EPHA7: variants seen among roughly 807,000 people sequenced by gnomAD.
EPHA7 encodes ephrin type-A receptor 7.
A neutral mutation model predicts 112.6 loss-of-function variants in EPHA7; 25 were observed. That is an observed-to-expected ratio of 0.22 (90% CI 0.16 to 0.31). EPHA7 has a LOEUF of 0.31. EPHA7 is among the 10% of genes least tolerant of loss of function. The pLI, the probability that EPHA7 is intolerant of heterozygous loss-of-function variation, is 1.00. For synonymous variants in EPHA7, 437 were observed against 406.5 expected, an observed-to-expected ratio of 1.07 and a Z score of -0.90; for missense variants, 962 against 1,212.6, an observed-to-expected ratio of 0.79 and a Z score of 3.07.
intron 3 of EPHA7, among the ~76,000 whole-genome samples, chr6:93,386,467 G>C (rs1419252455): frequency 6.6e-6 from 1 of 152,086 alleles, no homozygotes; most frequent in Non-Finnish European, 1.5e-5. Flanking sequence ...ATGTAAGAGG[G>C]GGGCTCCCCA....
chr6:93,335,482 G>C (rs1774820608), intron 5 of EPHA7, among the ~76,000 whole-genome samples: 1 of 151,884 alleles, frequency 6.6e-6, no homozygotes, highest in Admixed American at 6.6e-5. Context: ...GTATCATTAA[G>C]GACATAAGGA....
At chr6:93,303,054 C>T (rs1562082259) in intron 5 of EPHA7, among the ~76,000 whole-genome samples, 1 of 152,016 alleles carries the variant, frequency 6.6e-6, no homozygotes, top group East Asian at 1.9e-4. Context: ...ATCACAAGGC[C>T]ATGTACTGTG....
chr6:93,268,461 A>C (rs1771053742), intron 7 of EPHA7, among the ~76,000 whole-genome samples: 1 of 151,836 alleles, frequency 6.6e-6, no homozygotes, highest in Admixed American at 6.6e-5. Flanking sequence ...ATATTAATTT[A>C]ATTTGTTTAA....
intron 4 of EPHA7, 57 bp downstream of exon 4, chr6:93,358,199 A>G: frequency 7.5e-7 from 1 of 1,332,880 alleles, no homozygotes; most frequent in Non-Finnish European, 9.9e-7. Context: ...TGATGTCACA[A>G]CAGTACAAAT....
At chr6:93,293,960 C>A (rs990095706) in intron 5 of EPHA7, among the ~76,000 whole-genome samples, 10 of 152,140 alleles carry the variant, frequency 6.6e-5, no homozygotes, top group Non-Finnish European at 1.5e-4. Flanking sequence ...TCATTTTTCC[C>A]AGGTGGGCTA....
intron 14 of EPHA7, among the ~76,000 whole-genome samples, chr6:93,247,772 A>T (rs1413761293): frequency 6.6e-6 from 1 of 152,174 alleles, no homozygotes; most frequent in Non-Finnish European, 1.5e-5. Context: ...ATAGCATACC[A>T]CTGCCTAATA....
At chr6:93,400,218 T>C (rs1195767670) in intron 3 of EPHA7, among the ~76,000 whole-genome samples, 1 of 152,084 alleles carries the variant, frequency 6.6e-6, no homozygotes, top group Non-Finnish European at 1.5e-5. Flanking sequence ...ATTTAACCTA[T>C]ATATTAGGTT....
rs1289912052 is a variant in EPHA7, at chr6:93,240,088, T to C, written c.*3338A>G. The C allele has an allele frequency of 4.5e-6, 1 of 223,438 alleles. No individual in the cohort carries two copies. The highest frequency in any genetic ancestry group is 8.9e-6 in the Non-Finnish European group (1 of 111,920). The allele number at this position is 223,438 out of a possible 1,614,324, so 13.8% of individuals were successfully genotyped here. The stretch of plus-strand genomic sequence containing the variant: ...GGTAAAAAGAGACTTATGATTCATG[T>C]TGAAGAAAGAGTTATTTGTGCTTGA... On this transcript the variant is annotated 3_prime_UTR_variant, in exon 17 of 17. Coordinates refer to ENST00000369303, the MANE Select transcript of EPHA7 (RefSeq NM_004440.4).
chr6:93,374,919 A>G (rs1271111700), intron 3 of EPHA7, among the ~76,000 whole-genome samples: 1 of 152,226 alleles, frequency 6.6e-6, no homozygotes, highest in African/African-American at 2.4e-5. Context: ...AGTGAAGAAT[A>G]TCATTTCAAA....
chr6:93,302,416 A>G (rs553268494), intron 5 of EPHA7, among the ~76,000 whole-genome samples: 1 of 152,084 alleles, frequency 6.6e-6, no homozygotes, highest in African/African-American at 2.4e-5. Flanking sequence ...GTCCCCTCCC[A>G]TGGCATAGCC....
At chr6:93,274,829 A>G (rs1032670562) in intron 5 of EPHA7, among the ~76,000 whole-genome samples, 2 of 151,924 alleles carry the variant, frequency 1.3e-5, no homozygotes, top group Non-Finnish European at 2.9e-5. Context: ...TATCTTAGGT[A>G]TAAAGGATAC....
chr6:93,319,182 G>C (rs1234519793), intron 5 of EPHA7, among the ~76,000 whole-genome samples: 3 of 152,082 alleles, frequency 2.0e-5, no homozygotes, highest in African/African-American at 7.2e-5. Context: ...ACTTTATGGT[G>C]TGGAAGTTGC....
chr6:93,305,187 A>G (rs1009799359), intron 5 of EPHA7, among the ~76,000 whole-genome samples: 2 of 151,890 alleles, frequency 1.3e-5, no homozygotes, highest in African/African-American at 4.8e-5. Context: ...TGCACAACTG[A>G]AAGTGTTCAT....
At chr6:93,367,245 T>C (rs1487896134) in intron 3 of EPHA7, among the ~76,000 whole-genome samples, 1 of 152,142 alleles carries the variant, frequency 6.6e-6, no homozygotes, top group Non-Finnish European at 1.5e-5. Flanking sequence ...CCACAATTAG[T>C]GTTTGGAAGA....
chr6:93,390,694 T>A (rs754563329), intron 3 of EPHA7, among the ~76,000 whole-genome samples: 1 of 151,940 alleles, frequency 6.6e-6, no homozygotes, highest in Non-Finnish European at 1.5e-5. Flanking sequence ...TCTATTTTCC[T>A]GTTACTTTGG....
rs146477451 is a variant in EPHA7, at chr6:93,285,773, C to G, written c.1325-13351G>C. Among the ~76,000 whole-genome samples, 27 of 152,230 alleles carry G rather than the reference C, an allele frequency of 1.8e-4. No homozygotes were observed. The East Asian group carries it at 3.9e-3, about 22-fold the overall frequency. On this transcript the variant is annotated intron_variant, in intron 5 of 16. Transcript: ENST00000369303. ...GGCTTTATTCCTAAATAATCTCCAGCCAGCAAGAAATAACGAACTCAAAAA... is the reference window on the plus strand; with the variant it reads ...GGCTTTATTCCTAAATAATCTCCAGGCAGCAAGAAATAACGAACTCAAAAA...
Position 93,253,207 on chromosome 6 carries a change from A to T in EPHA7, c.2532+1440T>A, listed in dbSNP as rs1185680961. Among the ~76,000 whole-genome samples the T allele has an allele frequency of 2.0e-5, 3 of 152,162 alleles. No individual in the cohort carries two copies. In the East Asian group the frequency reaches 5.8e-4, roughly 29 times the overall value. ...ATTTTGACAGTCCATGAAATCTTTG[A>T]CACTGAGACCTGTCAAATATTAACA... On this transcript the variant is annotated intron_variant, in intron 14 of 16. Transcript: ENST00000369303.
rs1160348060 is a variant in EPHA7 at position 93,407,401 on chromosome 6, A to T, written c.832+3100T>A. Among the ~76,000 whole-genome samples, 3 of 152,048 alleles carry T rather than the reference A, an allele frequency of 2.0e-5. No homozygotes were observed. The East Asian group carries it at 5.8e-4, about 29-fold the overall frequency. ...AAGAATACTATAAAGGCAAGCCTGG[A>T]GTGATTCCAGAGGCAAGTACTCTTG... On this transcript the variant is annotated intron_variant, in intron 3 of 16. Transcript: ENST00000369303.
chr6:93,415,564 A>G (rs185081184), intron 1 of EPHA7, among the ~76,000 whole-genome samples: 21 of 152,206 alleles, frequency 1.4e-4, no homozygotes, highest in African/African-American at 5.1e-4. Flanking sequence ...AGAATGTTAT[A>G]TATTAATACA....
Sources: allele counts gnomAD v4.1 joint callset (sites outside exome capture counted in the v4.1 genomes callset), GRCh38; gene constraint gnomAD v4.1.1; transcripts MANE v1.5; gene names NCBI Gene and HGNC (gene_info 2026-07-23, HGNC 2026-07-21).